Variants in LRMDA observed in about 807,000 individuals in gnomAD.
The protein encoded by LRMDA is leucine rich melanocyte differentiation associated, also known as leucine-rich melanocyte differentiation-associated protein.
LRMDA carries 18 observed loss-of-function variants against 29.8 expected under a neutral mutation model. The ratio of observed to expected loss-of-function variants is 0.60; its 90% CI spans 0.42 to 0.90. The LOEUF is 0.90. LRMDA is among the 40% of genes least tolerant of loss of function. LRMDA has a pLI of 0.00. For missense variants in LRMDA, 273 were observed against 273.9 expected (o/e 1.00, Z 0.02); for synonymous variants, 125 against 109.4 (o/e 1.14, Z -0.89).
rs1019823358 is a variant in LRMDA at position 76,114,701 on chromosome 10, C to T, written c.516+55918C>T. Among the ~76,000 whole-genome samples the T allele has an allele frequency of 2.0e-5, 3 of 152,162 alleles. No homozygotes were observed. The South Asian group carries it at 6.2e-4, about 32-fold the overall frequency. On this transcript the variant is annotated intron_variant, in intron 5 of 6. Coordinates refer to ENST00000611255, the MANE Select transcript of LRMDA (RefSeq NM_001305581.2). Reference sequence around the variant, plus strand: ...GAGCGTTGAGTGCCTCCTCCCCTGCCAGATGAGAGATGATTTAGATGTTGA... The same window carrying T: ...GAGCGTTGAGTGCCTCCTCCCCTGCTAGATGAGAGATGATTTAGATGTTGA...
At chr10:75,730,321 A>G (rs1214709505) in intron 2 of LRMDA, among the ~76,000 whole-genome samples, 1 of 147,720 alleles carries the variant, frequency 6.8e-6, no homozygotes, top group Non-Finnish European at 1.5e-5. Context: ...GATCTCAAAT[A>G]TATCTCAACA....
At chr10:75,840,777 T>C (rs1298647680) in intron 2 of LRMDA, among the ~76,000 whole-genome samples, 1 of 152,232 alleles carries the variant, frequency 6.6e-6, no homozygotes, top group African/African-American at 2.4e-5. Context: ...ATAAGCATTA[T>C]TGGGATCCTG....
At chr10:75,921,123 A>T (rs765811564) in intron 2 of LRMDA, among the ~76,000 whole-genome samples, 5 of 152,348 alleles carry the variant, frequency 3.3e-5, no homozygotes, top group African/African-American at 7.2e-5. Context: ...AGATTTGGCA[A>T]TAAGAAAAAA....
rs550502620 is a variant in LRMDA at position 76,016,313 on chromosome 10, A to G, written c.132-19695A>G. Among the ~76,000 whole-genome samples the G allele has an allele frequency of 1.1e-3, 166 of 150,580 alleles. 1 individual carries two copies. The highest frequency in any genetic ancestry group is 3.9e-3 in the African/African-American group (158 of 41,038). Reference sequence around the variant, plus strand: ...ATAGTCTAAAAAAGGTATATTACTCATTGCCCTTACATTGGGTGGCCCAAA... The same window carrying G: ...ATAGTCTAAAAAAGGTATATTACTCGTTGCCCTTACATTGGGTGGCCCAAA... On this transcript the variant is annotated intron_variant, in intron 2 of 6. Transcript: ENST00000611255.
At chr10:75,709,351 T>C (rs1256154464) in intron 2 of LRMDA, among the ~76,000 whole-genome samples, 1 of 151,590 alleles carries the variant, frequency 6.6e-6, no homozygotes, top group Non-Finnish European at 1.5e-5. Flanking sequence ...CATGCATAAG[T>C]GTGTGTGTCT....
chr10:76,550,472 C>T lies in LRMDA; in HGVS notation c.602-6737C>T, dbSNP rs143678753. On this transcript the variant is annotated intron_variant, in intron 6 of 6. Transcript: ENST00000611255. ...TAGCAAGGACAGTGTGCAGTATCCCCGCCCCCAACCCCCCACCCCCGGCCC... is the reference window on the plus strand; with the variant it reads ...TAGCAAGGACAGTGTGCAGTATCCCTGCCCCCAACCCCCCACCCCCGGCCC... Among the ~76,000 whole-genome samples, 1,378 of 148,248 alleles carry T rather than the reference C, an allele frequency of 9.3e-3. 12 individuals are homozygous for T. Among genetic ancestry groups the T allele is most frequent in the Non-Finnish European group, 0.014 (926 of 67,064 alleles).
At chr10:76,237,548 G>A (rs563862932) in intron 5 of LRMDA, among the ~76,000 whole-genome samples, 5 of 152,062 alleles carry the variant, frequency 3.3e-5, no homozygotes, top group African/African-American at 1.2e-4. Context: ...TGTGACTTTG[G>A]TGGCTTTTGC....
At chr10:75,598,540 G>GA (rs371789641) in intron 2 of LRMDA, among the ~76,000 whole-genome samples, 102 of 141,286 alleles carry the variant, frequency 7.2e-4, no homozygotes, top group Middle Eastern at 3.6e-3. Context: ...ATTATTTAAA[G>GA]AAAAAAAAAA....
intron 6 of LRMDA, among the ~76,000 whole-genome samples, chr10:76,363,116 GGAAAGAAA>G (rs1192417224): frequency 0.013 from 690 of 51,474 alleles, 21 homozygotes; most frequent in South Asian, 0.032. Flanking sequence ...TGTGGAGTAA[GGAAAGAAA>G]GAAAGAAAGA....
intron 2 of LRMDA, among the ~76,000 whole-genome samples, chr10:75,811,076 T>C (rs978925818): frequency 1.3e-5 from 2 of 152,170 alleles, no homozygotes; most frequent in Non-Finnish European, 2.9e-5. Flanking sequence ...CACAGCTCTT[T>C]GTACTGAGTA....
At chr10:75,680,598 G>C (rs1046562634) in intron 2 of LRMDA, among the ~76,000 whole-genome samples, 14 of 151,956 alleles carry the variant, frequency 9.2e-5, no homozygotes, top group African/African-American at 3.1e-4. Context: ...TGCTTTGCTA[G>C]ATAATAATGC....
At position 75,697,068 on chromosome 10, in the gene LRMDA, A is replaced by G. The variant is rs147943023; in HGVS notation, c.131+258574A>G. On this transcript the variant is annotated intron_variant, in intron 2 of 6. Coordinates refer to ENST00000611255, the MANE Select transcript of LRMDA (RefSeq NM_001305581.2). ...GTTTGCATTGAATTGTACAAGTATGACACAGGGTACATGTGGTGGCCATGA... is the reference window on the plus strand; with the variant it reads ...GTTTGCATTGAATTGTACAAGTATGGCACAGGGTACATGTGGTGGCCATGA... Among the ~76,000 whole-genome samples the G allele has an allele frequency of 5.9e-3, 893 of 152,306 alleles. 11 individuals carry two copies. The highest frequency in any genetic ancestry group is 0.021 in the African/African-American group (861 of 41,552).
chr10:75,759,626 A>G (rs1281160905), intron 2 of LRMDA, among the ~76,000 whole-genome samples: 1 of 152,228 alleles, frequency 6.6e-6, no homozygotes, highest in African/African-American at 2.4e-5. Context: ...TCATGAACAT[A>G]GCTATTACAG....
intron 5 of LRMDA, among the ~76,000 whole-genome samples, chr10:76,265,655 A>G (rs1235607609): frequency 6.6e-6 from 1 of 152,198 alleles, no homozygotes; most frequent in South Asian, 2.1e-4. Flanking sequence ...AAGACCCATC[A>G]GGCCCTTATG....
At chr10:76,084,820 A>T (rs1305940435) in intron 5 of LRMDA, among the ~76,000 whole-genome samples, 1 of 152,248 alleles carries the variant, frequency 6.6e-6, no homozygotes, top group African/African-American at 2.4e-5. Flanking sequence ...ATGTGACTAT[A>T]GAAGTGGCTT....
At chr10:75,617,330 T>G (rs148109354) in intron 2 of LRMDA, among the ~76,000 whole-genome samples, 496 of 152,290 alleles carry the variant, frequency 3.3e-3, no homozygotes, top group African/African-American at 0.011. Context: ...GGAAGGAGTG[T>G]GCTCTTATCA....
chr10:75,811,054 C>G (rs1003084875), intron 2 of LRMDA, among the ~76,000 whole-genome samples: 6 of 152,166 alleles, frequency 3.9e-5, no homozygotes, highest in African/African-American at 1.4e-4. Context: ...GTGGTTTCCT[C>G]ACATCAGGAT....
intron 2 of LRMDA, among the ~76,000 whole-genome samples, chr10:75,526,404 G>C (rs1400030239): frequency 2.0e-5 from 3 of 151,956 alleles, no homozygotes; most frequent in Non-Finnish European, 4.4e-5. Context: ...AGATTGGCAG[G>C]TAAATAATAC....
intron 6 of LRMDA, among the ~76,000 whole-genome samples, chr10:76,554,969 C>A (rs1219723282): frequency 1.3e-5 from 2 of 152,022 alleles, no homozygotes; most frequent in Non-Finnish European, 2.9e-5. Context: ...ATCCGACAGA[C>A]CTATCTGTTC....
Sources: allele counts gnomAD v4.1 joint callset (sites outside exome capture counted in the v4.1 genomes callset), GRCh38; gene constraint gnomAD v4.1.1; transcripts MANE v1.5; gene names NCBI Gene and HGNC (gene_info 2026-07-23, HGNC 2026-07-21).